RORB: variants seen among roughly 807,000 people sequenced by gnomAD.
RORB encodes the protein nuclear receptor ROR-beta.
Under a neutral mutation model 59.1 loss-of-function variants are expected in RORB, and 6 were observed. The ratio of observed to expected loss-of-function variants is 0.10; its 90% CI spans 0.06 to 0.20. The LOEUF is 0.20. Among genes scored for constraint, RORB ranks in the 10% least tolerant of loss-of-function variants. RORB has a pLI of 1.00. For synonymous variants in RORB, 215 were observed against 204.5 expected, an observed-to-expected ratio of 1.05 and a Z score of -0.44; for missense variants, 320 against 560.5, an observed-to-expected ratio of 0.57 and a Z score of 4.33.
intron 1 of RORB, among the ~76,000 whole-genome samples, chr9:74,602,748 C>T (rs897327529): frequency 1.3e-5 from 2 of 152,146 alleles, no homozygotes; most frequent in African/African-American, 2.4e-5. Flanking sequence ...TTCTCCTGCT[C>T]TGTAGAGAAA....
At chr9:74,587,968 C>T (rs1422320615) in intron 1 of RORB, among the ~76,000 whole-genome samples, 1 of 152,134 alleles carries the variant, frequency 6.6e-6, no homozygotes, top group African/African-American at 2.4e-5. Flanking sequence ...AAAAATCGTT[C>T]AAATATAAAT....
chr9:74,673,591 G>A (rs948985871), intron 9 of RORB, among the ~76,000 whole-genome samples: 2 of 152,088 alleles, frequency 1.3e-5, no homozygotes, highest in South Asian at 2.1e-4. Context: ...CCACTGTCCT[G>A]GTTATGATTT....
At chr9:74,553,740 C>G (rs1563935863) in intron 1 of RORB, among the ~76,000 whole-genome samples, 1 of 151,964 alleles carries the variant, frequency 6.6e-6, no homozygotes, top group African/African-American at 2.4e-5. Context: ...TATTTTACAC[C>G]CTCTGTTTTA....
At chr9:74,544,691 G>A (rs1000814239) in intron 1 of RORB, among the ~76,000 whole-genome samples, 5 of 152,104 alleles carry the variant, frequency 3.3e-5, no homozygotes, top group East Asian at 1.9e-4. Flanking sequence ...TTTTTACCAC[G>A]CTTGTCCTGG....
intron 1 of RORB, among the ~76,000 whole-genome samples, chr9:74,594,728 C>A (rs1203703951): frequency 6.6e-6 from 1 of 152,100 alleles, no homozygotes; most frequent in East Asian, 1.9e-4. Context: ...TTGTAAAGAA[C>A]ACACACATGC....
intron 4 of RORB, among the ~76,000 whole-genome samples, chr9:74,658,014 AAAAAAAAAAAAAAAG>A (rs1824114426): frequency 1.1e-5 from 1 of 94,164 alleles, no homozygotes; most frequent in Non-Finnish European, 2.8e-5. Flanking sequence ...CAAAAAAAAA[AAAAAAAAAAAAAAAG>A]AAAAGAAAAG....
intron 6 of RORB, among the ~76,000 whole-genome samples, 182 bp from the exon 7 acceptor site, chr9:74,665,306 T>C (rs995370319): frequency 6.6e-6 from 1 of 152,008 alleles, no homozygotes; most frequent in Non-Finnish European, 1.5e-5. Context: ...AACCTAATAG[T>C]TATTTTAGGG....
chr9:74,565,573 C>T (rs560555248), intron 1 of RORB, among the ~76,000 whole-genome samples: 1 of 152,048 alleles, frequency 6.6e-6, no homozygotes, highest in East Asian at 1.9e-4. Flanking sequence ...ACGTGTGACC[C>T]CTAAGTAGTT....
intron 1 of RORB, among the ~76,000 whole-genome samples, chr9:74,535,568 G>A (rs541971569): frequency 1.3e-5 from 2 of 151,960 alleles, no homozygotes; most frequent in South Asian, 4.1e-4. Flanking sequence ...ACACTTTTAT[G>A]TCTCAATTTA....
At chr9:74,511,939 G>A (rs533284002) in intron 1 of RORB, among the ~76,000 whole-genome samples, 4 of 151,052 alleles carry the variant, frequency 2.6e-5, no homozygotes, top group South Asian at 2.1e-4. Flanking sequence ...TTTGAGAATC[G>A]TATATTACAG....
chr9:74,563,177 C>T (rs773031747), intron 1 of RORB, among the ~76,000 whole-genome samples: 11 of 147,418 alleles, frequency 7.5e-5, no homozygotes, highest in Non-Finnish European at 1.5e-4. Context: ...TGTCATGTCT[C>T]TTCAGTCTTT....
chr9:74,510,309 A>C (rs1825918800), intron 1 of RORB, among the ~76,000 whole-genome samples: 1 of 152,156 alleles, frequency 6.6e-6, no homozygotes, highest in East Asian at 1.9e-4. Flanking sequence ...AAGATTGTAC[A>C]CTTATCTCAG....
chr9:74,572,776 G>T (rs1018932739), intron 1 of RORB, among the ~76,000 whole-genome samples: 1 of 152,084 alleles, frequency 6.6e-6, no homozygotes, highest in African/African-American at 2.4e-5. Flanking sequence ...TACTTTATAT[G>T]TTTCCTCATC....
chr9:74,585,577 G>A (rs1256545032), intron 1 of RORB, among the ~76,000 whole-genome samples: 5 of 152,104 alleles, frequency 3.3e-5, no homozygotes, highest in African/African-American at 1.2e-4. Context: ...GCAGCTGATA[G>A]CTATAGTCTA....
intron 4 of RORB, among the ~76,000 whole-genome samples, chr9:74,656,708 C>T (rs1824088519): frequency 1.3e-5 from 2 of 152,116 alleles, no homozygotes; most frequent in African/African-American, 4.8e-5. Flanking sequence ...TGCACTCCAG[C>T]CTGGGCAACA....
rs144412339 is a variant in RORB at position 74,552,750 on chromosome 9, C to T, written c.7+54767C>T. ...ACCCTTCTAGGCTCTCAGTATAAGG[C>T]GGTCAATGCAGAGAAGATTTCTGCC... On this transcript the variant is annotated intron_variant, in intron 1 of 9. Transcript: ENST00000376896. Among the ~76,000 whole-genome samples the T allele has an allele frequency of 3.3e-5, 5 of 151,918 alleles. No individual in the cohort carries two copies. In the East Asian group the frequency reaches 5.8e-4, roughly 18 times the overall value.
chr9:74,505,991 C>A (rs182638260), intron 1 of RORB, among the ~76,000 whole-genome samples: 281 of 150,236 alleles, frequency 1.9e-3, no homozygotes, highest in African/African-American at 6.7e-3. Context: ...AAAAAAGTAT[C>A]ACCAAGAAAA....
chr9:74,637,662 A>G (rs1253094521), intron 3 of RORB, among the ~76,000 whole-genome samples: 1 of 152,134 alleles, frequency 6.6e-6, no homozygotes, highest in Non-Finnish European at 1.5e-5. Flanking sequence ...CTATAAATTG[A>G]TACTCACTAG....
At chr9:74,636,028 G>A (rs1032894641) in intron 3 of RORB, among the ~76,000 whole-genome samples, 4 of 147,918 alleles carry the variant, frequency 2.7e-5, no homozygotes, top group African/African-American at 7.4e-5. Context: ...CTACAGAGAC[G>A]AGGTTTCCAA....
Sources: gnomAD v4.1 joint callset for allele counts (sites outside exome capture counted in the v4.1 genomes callset) on GRCh38, gnomAD v4.1.1 for gene constraint, MANE v1.5 for transcripts, NCBI Gene and HGNC (gene_info 2026-07-23, HGNC 2026-07-21) for gene names.